Variants in PDZD2 observed in about 807,000 individuals in gnomAD.
PDZD2 encodes the protein PDZ domain containing 2.
In PDZD2, 90 loss-of-function variants were observed where a neutral mutation model predicts 220.7. The observed-to-expected ratio is 0.41, with a 90% CI of 0.34 to 0.49. The LOEUF (loss-of-function observed/expected upper bound fraction) is 0.49. PDZD2 is among the 20% of genes least tolerant of loss of function. PDZD2 has a pLI of 0.28. For missense variants in PDZD2, 3,174 were observed against 3,608.5 expected (o/e 0.88, Z 3.08); for synonymous variants, 1,375 against 1,450.5 (o/e 0.95, Z 1.18).
At chr5:31,856,414 C>G (rs374137628) in intron 2 of PDZD2, among the ~76,000 whole-genome samples, 14 of 151,644 alleles carry the variant, frequency 9.2e-5, no homozygotes, top group African/African-American at 3.4e-4. Context: ...GAGCGGGCCA[C>G]AAACAAAAGA....
chr5:31,959,001 C>A (rs1045363463), intron 2 of PDZD2, among the ~76,000 whole-genome samples: 1 of 151,972 alleles, frequency 6.6e-6, no homozygotes, highest in African/African-American at 2.4e-5. Context: ...GGCGTGATCT[C>A]AGCTCTCTGC....
chr5:32,023,242 C>G (rs1166327701), intron 6 of PDZD2, among the ~76,000 whole-genome samples: 2 of 151,334 alleles, frequency 1.3e-5, no homozygotes, highest in African/African-American at 4.9e-5. Context: ...CACTTGATGC[C>G]GGCTGTCTTT....
chr5:31,996,217 T>C (rs542867294), intron 4 of PDZD2, among the ~76,000 whole-genome samples: 1 of 152,202 alleles, frequency 6.6e-6, no homozygotes, highest in Non-Finnish European at 1.5e-5. Context: ...GTCGTGCAGA[T>C]GTGGAAGGGA....
At chr5:31,789,274 G>A (rs1386807380) in intron 1 of PDZD2, among the ~76,000 whole-genome samples, 6 of 152,204 alleles carry the variant, frequency 3.9e-5, no homozygotes, top group Non-Finnish European at 8.8e-5. Context: ...AGCCAGGACT[G>A]TATCTTATGT....
At chr5:31,786,745 G>C (rs13167399) in intron 1 of PDZD2, among the ~76,000 whole-genome samples, 31,121 of 152,036 alleles carry the variant, frequency 0.2, 3,384 homozygotes, top group Middle Eastern at 0.24. Context: ...GGAAACTGAG[G>C]CTCAGAGATT....
intron 1 of PDZD2, among the ~76,000 whole-genome samples, chr5:31,722,452 C>A (rs1748864073): frequency 6.6e-6 from 1 of 152,120 alleles, no homozygotes; most frequent in South Asian, 2.1e-4. Flanking sequence ...TGTTTTTCCC[C>A]TTCATTTTGT....
intron 1 of PDZD2, among the ~76,000 whole-genome samples, chr5:31,707,864 G>A (rs1185014753): frequency 6.6e-6 from 1 of 152,192 alleles, no homozygotes; most frequent in African/African-American, 2.4e-5. Flanking sequence ...CTGGCCTCAA[G>A]TGATCCTTCC....
chr5:31,896,414 CCTA>C (rs1363520598), intron 2 of PDZD2, among the ~76,000 whole-genome samples: 1 of 147,048 alleles, frequency 6.8e-6, no homozygotes, highest in Non-Finnish European at 1.5e-5. Flanking sequence ...CAGTTTAGTG[CCTA>C]GGTCTTGGGC....
chr5:31,812,866 C>G (rs1580806753), intron 2 of PDZD2, among the ~76,000 whole-genome samples: 1 of 152,254 alleles, frequency 6.6e-6, no homozygotes, highest in South Asian at 2.1e-4. Context: ...CAGGAGTGAG[C>G]CACTGCTCCT....
chr5:32,022,196 T>TG lies in PDZD2; in HGVS notation c.1407+11714_1407+11715insG, dbSNP rs1554026996. On this transcript the variant is annotated intron_variant, in intron 6 of 24. Transcript: ENST00000438447. ...CGTTTTGTTTTTTTGTTTTTTTGTT[T>TG]TTTGTTTTTTTTTGGAGTTGGGGGA... 4.7e-3 allele frequency among the ~76,000 whole-genome samples: 689 copies of TG among 145,442 alleles called. 7 individuals are homozygous for TG. The highest frequency in any genetic ancestry group is 0.014 in the East Asian group (72 of 5,140).
chr5:31,769,358 T>C (rs1331581519), intron 1 of PDZD2, among the ~76,000 whole-genome samples: 2 of 152,244 alleles, frequency 1.3e-5, no homozygotes, highest in Non-Finnish European at 2.9e-5. Flanking sequence ...AGAGAAGCTT[T>C]GGCTCAAAAT....
At chr5:31,793,987 C>T (rs924290546) in intron 1 of PDZD2, among the ~76,000 whole-genome samples, 2 of 152,052 alleles carry the variant, frequency 1.3e-5, no homozygotes, top group Non-Finnish European at 2.9e-5. Context: ...TGTGCAAACT[C>T]CAGGTGGCCA....
intron 8 of PDZD2, among the ~76,000 whole-genome samples, chr5:32,050,154 C>T (rs1738385387): frequency 6.6e-6 from 1 of 152,182 alleles, no homozygotes. Flanking sequence ...TGGTCTCAAA[C>T]TCCTGACCTC....
intron 1 of PDZD2, among the ~76,000 whole-genome samples, chr5:31,715,505 T>C (rs1748394331): frequency 1.3e-5 from 2 of 152,254 alleles, no homozygotes. Context: ...ATTTATGACA[T>C]ACTAGAAGCT....
At chr5:31,733,006 G>A (rs1749626767) in intron 1 of PDZD2, among the ~76,000 whole-genome samples, 1 of 152,222 alleles carries the variant, frequency 6.6e-6, no homozygotes, top group Non-Finnish European at 1.5e-5. Flanking sequence ...TAGGATTATA[G>A]GCGTGAGCCA....
chr5:31,654,274 A>G (rs1231860544), intron 1 of PDZD2, among the ~76,000 whole-genome samples: 3 of 152,036 alleles, frequency 2.0e-5, no homozygotes, highest in Non-Finnish European at 4.4e-5. Context: ...TATCATTGAA[A>G]CACTCCTTAC....
chr5:31,897,743 C>CT (rs34233036), intron 2 of PDZD2, among the ~76,000 whole-genome samples: 109,831 of 146,796 alleles, frequency 0.75, 43,277 homozygotes, highest in Non-Finnish European at 0.89. Context: ...TGACTGTTGG[C>CT]TTTTTTTTTT....
chr5:31,706,853 AAAAAAAAGCAATCCTGTC>A (rs1457450989), intron 1 of PDZD2, among the ~76,000 whole-genome samples: 1 of 151,572 alleles, frequency 6.6e-6, no homozygotes, highest in Non-Finnish European at 1.5e-5. Flanking sequence ...AAAAAAAAAA[AAAAAAAAGCAATCCTGTC>A]ATTTCCTTCC....
intron 5 of PDZD2, among the ~76,000 whole-genome samples, chr5:32,005,701 C>T (rs993310942): frequency 6.6e-6 from 1 of 152,148 alleles, no homozygotes; most frequent in African/African-American, 2.4e-5. Flanking sequence ...CATATATACC[C>T]TGGAGGCAGT....
Sources: gnomAD v4.1 joint callset for allele counts (sites outside exome capture counted in the v4.1 genomes callset) on GRCh38, gnomAD v4.1.1 for gene constraint, MANE v1.5 for transcripts, NCBI Gene and HGNC (gene_info 2026-07-23, HGNC 2026-07-21) for gene names.